The following ITCH variants were observed in gnomAD, a reference collection of about 807,000 sequenced individuals.
ITCH encodes itchy E3 ubiquitin protein ligase.
ITCH carries 28 observed loss-of-function variants against 126.8 expected under a neutral mutation model. That is an observed-to-expected ratio of 0.22 (90% CI 0.16 to 0.30). The LOEUF is 0.30. Ranked by LOEUF, ITCH falls within the 10% of genes least tolerant of loss-of-function variation. The pLI, the probability that ITCH is intolerant of heterozygous loss-of-function variation, is 1.00. For missense variants in ITCH, 631 were observed against 1,032.4 expected (o/e 0.61, Z 5.33); for synonymous variants, 342 against 340.0 (o/e 1.01, Z -0.06).
At chr20:34,380,733 G>A (rs571070833) in intron 2 of ITCH, among the ~76,000 whole-genome samples, 1 of 149,754 alleles carries the variant, frequency 6.7e-6, no homozygotes, top group South Asian at 2.1e-4. Flanking sequence ...TTACAGGCAT[G>A]AGCCACCGGC....
At chr20:34,416,267 G>A (rs1195733351) in intron 6 of ITCH, among the ~76,000 whole-genome samples, 4 of 151,988 alleles carry the variant, frequency 2.6e-5, no homozygotes, top group Non-Finnish European at 4.4e-5. Context: ...GCGTGGTGGC[G>A]CATGCCTGTA....
intron 2 of ITCH, among the ~76,000 whole-genome samples, chr20:34,377,323 G>A (rs1468992555): frequency 4.6e-5 from 7 of 152,124 alleles, no homozygotes; most frequent in Non-Finnish European, 2.9e-5. Context: ...GCAATGAGCC[G>A]AGATTGAACT....
chr20:34,479,658 G>T lies in ITCH; in HGVS notation c.1687G>T (p.Val563Leu), dbSNP rs1202424060. ...REWFFLLSHE[V>L]LNPMYCLFEY... ...ATGGTTCTTTCTTTTGTCACATGAAGTGTTGAACCCAATGTATTGCCTGTT... is the reference window on the plus strand; with the variant it reads ...ATGGTTCTTTCTTTTGTCACATGAATTGTTGAACCCAATGTATTGCCTGTT... The change falls in exon 18 of 25, where the codon GTG becomes TTG. Residue 563 changes from valine to leucine, a missense_variant. Coordinates refer to ENST00000374864, the MANE Select transcript of ITCH (RefSeq NM_031483.7). 1 of 1,613,964 alleles carries T rather than the reference G, an allele frequency of 6.2e-7. No individual in the cohort carries two copies. The highest frequency in any genetic ancestry group is 1.3e-5 in the African/African-American group (1 of 75,018).
chr20:34,442,081 C>T, intron 9 of ITCH, 127 bp from the exon 10 acceptor site: 1 of 727,442 alleles, frequency 1.4e-6, no homozygotes, highest in Admixed American at 2.1e-5. Context: ...TTTGTATCAT[C>T]TTTCTAAACT....
intron 3 of ITCH, among the ~76,000 whole-genome samples, chr20:34,402,993 A>C (rs1309285864): frequency 1.3e-5 from 2 of 152,184 alleles, no homozygotes; most frequent in African/African-American, 2.4e-5. Flanking sequence ...AGGGACCAAA[A>C]AGATCCCTTA....
intron 7 of ITCH, 105 bp from the exon 8 acceptor site, chr20:34,438,369 T>G: frequency 8.3e-7 from 1 of 1,210,510 alleles, no homozygotes; most frequent in Admixed American, 2.0e-5. Flanking sequence ...TTTTTGAAGC[T>G]CTTAAAAACT....
chr20:34,372,620 T>G (rs2037684043), intron 2 of ITCH, among the ~76,000 whole-genome samples: 1 of 152,038 alleles, frequency 6.6e-6, no homozygotes, highest in African/African-American at 2.4e-5. Context: ...GACCTCGTGA[T>G]CTGCCTGCCT....
In ITCH at chr20:34,507,957, C is replaced by G; in HGVS notation, c.*163C>G. 3.2e-6 allele frequency: 2 copies of G among 621,620 alleles called. No individual in the cohort carries two copies. The highest frequency in any genetic ancestry group is 3.0e-5 in the East Asian group (1 of 33,810). 38.5% of individuals were successfully genotyped at this position (621,620 alleles called of 1,614,324 possible). On this transcript the variant is annotated 3_prime_UTR_variant, in exon 25 of 25. Coordinates refer to ENST00000374864, the MANE Select transcript of ITCH (RefSeq NM_031483.7). ...TAGATTTATCTCCCAGTGATTTCTACTCAGCGTTTCCAGAAATCAGGTCTG... is the reference window on the plus strand; with the variant it reads ...TAGATTTATCTCCCAGTGATTTCTAGTCAGCGTTTCCAGAAATCAGGTCTG...
chr20:34,460,156 G>A (rs1313598671), intron 13 of ITCH, among the ~76,000 whole-genome samples: 1 of 148,794 alleles, frequency 6.7e-6, no homozygotes, highest in African/African-American at 2.5e-5. Flanking sequence ...TCTGACATTT[G>A]TATTCAGTTA....
At chr20:34,447,780 C>T (rs143657704) in intron 11 of ITCH, among the ~76,000 whole-genome samples, 2 of 152,222 alleles carry the variant, frequency 1.3e-5, no homozygotes, top group East Asian at 1.9e-4. Flanking sequence ...AGGCAGTTCT[C>T]GACAGCACTA....
intron 23 of ITCH, among the ~76,000 whole-genome samples, chr20:34,497,970 A>G (rs1257646094): frequency 6.6e-6 from 1 of 152,226 alleles, no homozygotes; most frequent in Non-Finnish European, 1.5e-5. Context: ...ACCCATGAAC[A>G]TGGGATGTCT....
chr20:34,444,393 G>T (rs944061802), intron 10 of ITCH, among the ~76,000 whole-genome samples: 1 of 152,126 alleles, frequency 6.6e-6, no homozygotes, highest in East Asian at 1.9e-4. Context: ...AGGGCCGCCT[G>T]ACCAACATGG....
At chr20:34,409,717 T>G (rs1254777377) in intron 4 of ITCH, among the ~76,000 whole-genome samples, 1 of 152,218 alleles carries the variant, frequency 6.6e-6, no homozygotes, top group Non-Finnish European at 1.5e-5. Flanking sequence ...TCCATGTGCA[T>G]ATATCTTTGT....
At chr20:34,365,489 A>T (rs2037387172) in intron 1 of ITCH, among the ~76,000 whole-genome samples, 1 of 149,560 alleles carries the variant, frequency 6.7e-6, no homozygotes, top group South Asian at 2.1e-4. Context: ...ATCTCGGCTT[A>T]CTGTAACCTC....
chr20:34,401,738 CA>C (rs1284417320), intron 3 of ITCH: 3 of 569,682 alleles, frequency 5.3e-6, no homozygotes, highest in Non-Finnish European at 6.6e-6. Context: ...GACTGAAAAA[CA>C]AACCTCCCCC....
chr20:34,480,268 G>C (rs1056520170), intron 18 of ITCH, among the ~76,000 whole-genome samples: 1 of 151,910 alleles, frequency 6.6e-6, no homozygotes, highest in Non-Finnish European at 1.5e-5. Flanking sequence ...CGTGATCTCG[G>C]CCCACCACAA....
intron 3 of ITCH, chr20:34,402,137 G>A (rs367802519): frequency 2.9e-6 from 3 of 1,024,382 alleles, no homozygotes; most frequent in Admixed American, 1.7e-5. Context: ...AAGGGCTCTG[G>A]AGAGATGTTC....
At chr20:34,485,743 C>T (rs570093178) in intron 20 of ITCH, among the ~76,000 whole-genome samples, 34 of 152,182 alleles carry the variant, frequency 2.2e-4, no homozygotes, top group Admixed American at 3.3e-4. Flanking sequence ...AATACAGTGG[C>T]ACGATCAGAG....
chr20:34,477,369 A>G (rs1179985211), intron 16 of ITCH, among the ~76,000 whole-genome samples: 1 of 152,178 alleles, frequency 6.6e-6, no homozygotes, highest in Non-Finnish European at 1.5e-5. Context: ...CGTCTCTACT[A>G]AAAATACAAA....
Sources: allele counts gnomAD v4.1 joint callset (sites outside exome capture counted in the v4.1 genomes callset), GRCh38; gene constraint gnomAD v4.1.1; transcripts MANE v1.5; gene names NCBI Gene and HGNC (gene_info 2026-07-23, HGNC 2026-07-21).